ACOT7: variants seen among roughly 807,000 people sequenced by gnomAD.
ACOT7 encodes cytosolic acyl coenzyme A thioester hydrolase.
A neutral mutation model predicts 40.2 loss-of-function variants in ACOT7; 12 were observed. That is an observed-to-expected ratio of 0.30 (90% CI 0.19 to 0.48). ACOT7 has a LOEUF of 0.48. ACOT7 is among the 20% of genes least tolerant of loss of function. ACOT7 has a pLI of 0.99. For synonymous variants in ACOT7, 228 were observed against 219.5 expected, an observed-to-expected ratio of 1.04 and a Z score of -0.34; for missense variants, 395 against 530.8, an observed-to-expected ratio of 0.74 and a Z score of 2.51.
intron 6 of ACOT7, among the ~76,000 whole-genome samples, chr1:6,313,090 C>G (rs1398815087): frequency 6.6e-6 from 1 of 152,228 alleles, no homozygotes; most frequent in Non-Finnish European, 1.5e-5. Context: ...GAGCCAGAAC[C>G]ATGGCTCTCA....
intron 7 of ACOT7, among the ~76,000 whole-genome samples, chr1:6,293,824 G>C (rs1639737686): frequency 6.6e-6 from 1 of 152,230 alleles, no homozygotes; most frequent in South Asian, 2.1e-4. Context: ...ATTCCAGGGA[G>C]GGAGGCAGCC....
At chr1:6,305,379 AC>A (rs572217245) in intron 6 of ACOT7, among the ~76,000 whole-genome samples, 7 of 116,534 alleles carry the variant, frequency 6.0e-5, no homozygotes, top group East Asian at 2.6e-4. Context: ...CGGGGGGCTG[AC>A]CCCCCCACCT....
Position 6,294,985 on chromosome 1 carries a change from G to C in ACOT7, c.713-5C>G, listed in dbSNP as rs370938238. 7 of 1,606,082 alleles carry C rather than the reference G, an allele frequency of 4.4e-6. No individual in the cohort carries two copies. Among genetic ancestry groups the C allele is most frequent in the Non-Finnish European group, 6.0e-6 (7 of 1,173,084 alleles). ...CCATGAGCTTCATGGTCACACCTGCGGAGAAAGGGACATGCGGCAGATGAG... is the reference window on the plus strand; with the variant it reads ...CCATGAGCTTCATGGTCACACCTGCCGAGAAAGGGACATGCGGCAGATGAG... On this transcript the variant is annotated splice_polypyrimidine_tract_variant and splice_region_variant and intron_variant, in intron 6 of 8. Coordinates refer to ENST00000361521, the MANE Select transcript of ACOT7 (RefSeq NM_007274.4). This position sits in a 1 kb window ranked among gnomAD's most constrained non-coding sequence, Gnocchi z 4.6.
intron 1 of ACOT7, among the ~76,000 whole-genome samples, chr1:6,354,599 T>C (rs1210369833): frequency 7.3e-5 from 11 of 150,982 alleles, no homozygotes; most frequent in African/African-American, 2.7e-4. Flanking sequence ...GGAGGTCACC[T>C]CCCATGGCCT....
intron 1 of ACOT7, among the ~76,000 whole-genome samples, chr1:6,376,727 CAAA>C (rs74829338): frequency 4.2e-5 from 4 of 94,634 alleles, no homozygotes; most frequent in Non-Finnish European, 4.6e-5. Flanking sequence ...AACTCCATCC[CAAA>C]AAAAAAAAAA....
intron 6 of ACOT7, among the ~76,000 whole-genome samples, chr1:6,307,405 G>A (rs1640186614): frequency 6.6e-6 from 1 of 152,244 alleles, no homozygotes; most frequent in African/African-American, 2.4e-5. Context: ...TGCGCTAAGT[G>A]GGAATGCAGG....
rs755507869 is a variant in ACOT7, at chr1:6,264,586, G to A, written c.*11C>T. ...TGGCTACTCGAGGCACCAGTGGCAG[G>A]AGGAGGGAGTCTAGGGCTGAGGCTC... is the stretch of plus-strand genomic sequence containing the variant. On this transcript the variant is annotated 3_prime_UTR_variant, in exon 9 of 9. Coordinates refer to ENST00000361521, the MANE Select transcript of ACOT7 (RefSeq NM_007274.4). 3.1e-6 allele frequency: 5 copies of A among 1,609,266 alleles called. No individual in the cohort carries two copies. In the Middle Eastern group the frequency reaches 4.9e-4, roughly 159 times the overall value.
chr1:6,320,921 A>G (rs570732532), intron 5 of ACOT7, among the ~76,000 whole-genome samples: 188 of 152,238 alleles, frequency 1.2e-3, no homozygotes, highest in Non-Finnish European at 2.4e-3. Context: ...CCAATGAACT[A>G]AGAAGATGAG....
Position 6,352,578 on chromosome 1 carries a change from C to G in ACOT7, c.144-2712G>C, listed in dbSNP as rs115173569. On this transcript the variant is annotated intron_variant, in intron 1 of 8. Transcript: ENST00000361521. This position sits in a 1 kb window ranked among gnomAD's most constrained non-coding sequence, Gnocchi z 4.5. Reference sequence around the variant, plus strand: ...GGAAGCTGCTGCGTCTCACTGGAGACTTCGTTTTCCCATTTCTTTTTTTTT... The same window carrying G: ...GGAAGCTGCTGCGTCTCACTGGAGAGTTCGTTTTCCCATTTCTTTTTTTTT... Among the ~76,000 whole-genome samples, 1 of 151,796 alleles carries G rather than the reference C, an allele frequency of 6.6e-6. No individual in the cohort carries two copies. The highest frequency in any genetic ancestry group is 1.9e-4 in the East Asian group (1 of 5,170).
At chr1:6,322,908 A>T (rs917287983) in intron 5 of ACOT7, among the ~76,000 whole-genome samples, 29 of 152,124 alleles carry the variant, frequency 1.9e-4, no homozygotes, top group African/African-American at 6.8e-4. Flanking sequence ...AGGCAGGTGG[A>T]TCACCTGAGG....
At position 6,303,632 on chromosome 1, in the gene ACOT7, C is replaced by T. The variant is rs570719116; in HGVS notation, c.713-8652G>A. 3.3e-4 allele frequency among the ~76,000 whole-genome samples: 50 copies of T among 152,262 alleles called. No homozygotes were observed. In the South Asian group the frequency reaches 1.0e-2, roughly 30 times the overall value. ...CTATATTTAATCCCAACTGACGGAG[C>T]GTGGGCGCCGGCCTCCTATATTAAG... is the stretch of plus-strand genomic sequence containing the variant. On this transcript the variant is annotated intron_variant, in intron 6 of 8. Coordinates refer to ENST00000361521, the MANE Select transcript of ACOT7 (RefSeq NM_007274.4).
intron 7 of ACOT7, among the ~76,000 whole-genome samples, chr1:6,291,845 A>T (rs1176939649): frequency 2.0e-5 from 3 of 152,180 alleles, no homozygotes; most frequent in Non-Finnish European, 4.4e-5. Flanking sequence ...TGTCACCCAG[A>T]ACCCAGAGCC....
chr1:6,346,479 C>T (rs574289026), intron 2 of ACOT7, among the ~76,000 whole-genome samples: 1 of 152,166 alleles, frequency 6.6e-6, no homozygotes, highest in South Asian at 2.1e-4. Context: ...CCAGCAAGTC[C>T]GAGAAGAAGC....
chr1:6,297,590 G>A (rs1055895282), intron 6 of ACOT7, among the ~76,000 whole-genome samples: 7 of 152,280 alleles, frequency 4.6e-5, no homozygotes, highest in African/African-American at 1.4e-4. Flanking sequence ...TCCACCTAAT[G>A]AGAGGCACGC....
intron 2 of ACOT7, among the ~76,000 whole-genome samples, chr1:6,348,494 T>C (rs906700013): frequency 2.0e-5 from 3 of 152,064 alleles, no homozygotes; most frequent in Admixed American, 2.0e-4. Flanking sequence ...GGAATGGTAG[T>C]AGAAGGCAGG....
In ACOT7 at chr1:6,372,803, G is replaced by A. The variant is rs1001654339; in HGVS notation, c.143+20454C>T. On this transcript the variant is annotated intron_variant, in intron 1 of 8. Transcript: ENST00000361521. Reference sequence around the variant, plus strand: ...GGCCTCAAGTGATCCAACCGCCTCAGCCTCCCAAAGTGCTGGAATTATAGG... The same window carrying A: ...GGCCTCAAGTGATCCAACCGCCTCAACCTCCCAAAGTGCTGGAATTATAGG... Among the ~76,000 whole-genome samples the A allele has an allele frequency of 4.6e-5, 7 of 152,164 alleles. No homozygotes were observed. In the East Asian group the frequency reaches 9.6e-4, roughly 21 times the overall value.
At chr1:6,334,805 T>C (rs1198645297) in intron 3 of ACOT7, among the ~76,000 whole-genome samples, 1 of 152,222 alleles carries the variant, frequency 6.6e-6, no homozygotes, top group African/African-American at 2.4e-5. Flanking sequence ...CAGAGACGTC[T>C]AGGGGTTTAC....
chr1:6,334,016 C>A (rs1234968709), intron 3 of ACOT7, among the ~76,000 whole-genome samples: 1 of 152,212 alleles, frequency 6.6e-6, no homozygotes, highest in Non-Finnish European at 1.5e-5. Context: ...AGGGATCACC[C>A]TGGAGGGCAC....
intron 2 of ACOT7, among the ~76,000 whole-genome samples, chr1:6,342,872 G>A (rs772762754): frequency 1.1e-4 from 17 of 149,502 alleles, no homozygotes; most frequent in Admixed American, 1.3e-4. Flanking sequence ...GCCACCTCAC[G>A]GCATCCTGAC....
Sources: gnomAD v4.1 joint callset for allele counts (sites outside exome capture counted in the v4.1 genomes callset) on GRCh38, gnomAD v4.1.1 for gene constraint, Gnocchi (gnomAD v3.1) non-coding constraint, MANE v1.5 for transcripts, NCBI Gene and HGNC (gene_info 2026-07-23, HGNC 2026-07-21) for gene names.